The following MGAT4C variants were observed in gnomAD, a reference collection of about 807,000 sequenced individuals.
The protein encoded by MGAT4C is alpha-1,3-mannosyl-glycoprotein 4-beta-N-acetylglucosaminyltransferase C.
In MGAT4C, 19 loss-of-function variants were observed where a neutral mutation model predicts 40.1. The ratio of observed to expected loss-of-function variants is 0.47; its 90% CI spans 0.33 to 0.70. The LOEUF (loss-of-function observed/expected upper bound fraction) is 0.70, where lower values mean the gene tolerates loss of function less well. MGAT4C is among the 30% of genes least tolerant of loss of function. MGAT4C has a pLI of 0.02. For missense variants in MGAT4C, 491 were observed against 563.2 expected, an observed-to-expected ratio of 0.87 and a Z score of 1.30; for synonymous variants, 181 against 187.1, an observed-to-expected ratio of 0.97 and a Z score of 0.27.
chr12:86,097,370 C>T (rs1874124783), intron 1 of MGAT4C, among the ~76,000 whole-genome samples: 2 of 151,642 alleles, frequency 1.3e-5, no homozygotes, highest in Admixed American at 6.6e-5. Context: ...ACCACATTGA[C>T]TTTAGAATAA....
chr12:86,832,736 A>C (rs1952956409), intron 1 of MGAT4C, among the ~76,000 whole-genome samples: 1 of 151,838 alleles, frequency 6.6e-6, no homozygotes, highest in Non-Finnish European at 1.5e-5. Flanking sequence ...ATTCTGACCC[A>C]AACCTTAGCT....
chr12:86,457,537 T>C (rs1957529027), intron 2 of MGAT4C, among the ~76,000 whole-genome samples: 2 of 152,182 alleles, frequency 1.3e-5, no homozygotes, highest in Admixed American at 1.3e-4. Flanking sequence ...TGTTGTCTCT[T>C]TGCTTTCAGG....
chr12:86,807,435 T>C (rs1211223965), intron 1 of MGAT4C, among the ~76,000 whole-genome samples: 1 of 152,004 alleles, frequency 6.6e-6, no homozygotes, highest in African/African-American at 2.4e-5. Flanking sequence ...TCCATCTATG[T>C]TCCTGCAAGG....
chr12:86,322,235 AG>A (rs1388466943), intron 4 of MGAT4C, among the ~76,000 whole-genome samples: 1 of 73,020 alleles, frequency 1.4e-5, no homozygotes, highest in Non-Finnish European at 2.5e-5. Context: ...GGGTGGGGGG[AG>A]GGGGGAGGGA....
At position 85,956,520 on chromosome 12, in the gene MGAT4C, A is replaced by T. The variant is rs868442812; in HGVS notation, c.*22769T>A. ...ACTTACTAAAATATGGTTTTGGGAC[A>T]CCTGTTGGGAACATTTACAGATCAT... On this transcript the variant is annotated 3_prime_UTR_variant, in exon 5 of 5. Transcript: ENST00000611864. 1 of 152,196 alleles carries T rather than the reference A, an allele frequency of 6.6e-6. No individual in the cohort carries two copies. Among genetic ancestry groups the T allele is most frequent in the South Asian group, 2.1e-4 (1 of 4,836 alleles). 9.4% of individuals were successfully genotyped at this position (152,196 alleles called of 1,614,324 possible). A position where few individuals can be genotyped will look rare whatever the true frequency, so the allele number is the denominator to read the frequency against.
intron 2 of MGAT4C, among the ~76,000 whole-genome samples, chr12:86,607,904 T>C (rs1222390272): frequency 6.6e-6 from 1 of 152,114 alleles, no homozygotes; most frequent in African/African-American, 2.4e-5. Flanking sequence ...CATCATTATT[T>C]GATTGATTGA....
At chr12:86,741,202 A>G (rs979778412) in intron 1 of MGAT4C, among the ~76,000 whole-genome samples, 5 of 151,302 alleles carry the variant, frequency 3.3e-5, no homozygotes, top group African/African-American at 1.2e-4. Flanking sequence ...TCGTATGTTC[A>G]TCACAGTACT....
At chr12:86,405,646 GAGCTAAAACAATCTTGAAAAAGAATAAAC>G (rs1231577972) in intron 3 of MGAT4C, among the ~76,000 whole-genome samples, 1 of 151,616 alleles carries the variant, frequency 6.6e-6, no homozygotes, top group Non-Finnish European at 1.5e-5. Context: ...ATAACCAAAT[GAGCTAAAACAATCTTGAAAAAGAATAAAC>G]AAATAGGTAG....
intron 4 of MGAT4C, among the ~76,000 whole-genome samples, chr12:86,267,009 G>A (rs1363957350): frequency 2.0e-5 from 3 of 151,182 alleles, no homozygotes; most frequent in African/African-American, 7.3e-5. Flanking sequence ...ATTGTCTCCT[G>A]TCTCTTATTG....
chr12:86,831,458 C>T (rs559250794), intron 1 of MGAT4C, among the ~76,000 whole-genome samples: 1 of 151,732 alleles, frequency 6.6e-6, no homozygotes, highest in Non-Finnish European at 1.5e-5. Flanking sequence ...CAATCTCCTG[C>T]GAGTAAGGCT....
intron 2 of MGAT4C, among the ~76,000 whole-genome samples, chr12:86,598,076 T>G (rs1961610512): frequency 6.6e-6 from 1 of 152,212 alleles, no homozygotes; most frequent in Non-Finnish European, 1.5e-5. Flanking sequence ...AAAAGTAACT[T>G]TTCTTTTTAC....
chr12:86,133,422 T>C (rs1164154092), intron 1 of MGAT4C, among the ~76,000 whole-genome samples: 2 of 152,184 alleles, frequency 1.3e-5, no homozygotes, highest in Non-Finnish European at 2.9e-5. Flanking sequence ...TTAGAGTAAA[T>C]GAGTTTTTTG....
At chr12:86,689,886 T>A (rs769265860) in intron 2 of MGAT4C, among the ~76,000 whole-genome samples, 1 of 152,164 alleles carries the variant, frequency 6.6e-6, no homozygotes, top group Non-Finnish European at 1.5e-5. Context: ...CAGGCAGGAA[T>A]GTTTAAGTCT....
chr12:86,749,425 T>A (rs1951201562), intron 1 of MGAT4C, among the ~76,000 whole-genome samples: 1 of 151,680 alleles, frequency 6.6e-6, no homozygotes, highest in African/African-American at 2.4e-5. Context: ...ATTCAATTGT[T>A]TTATGAGGAA....
chr12:86,793,462 T>C (rs1322890954), intron 1 of MGAT4C, among the ~76,000 whole-genome samples: 1 of 152,096 alleles, frequency 6.6e-6, no homozygotes, highest in African/African-American at 2.4e-5. Context: ...ACTTTGTTTA[T>C]ATTTATTTTT....
intron 3 of MGAT4C, among the ~76,000 whole-genome samples, chr12:86,404,779 A>C (rs922820906): frequency 6.6e-6 from 1 of 152,198 alleles, no homozygotes; most frequent in African/African-American, 2.4e-5. Context: ...AATGAATATA[A>C]AAGATGATTG....
intron 1 of MGAT4C, 24 bp from the exon 2 acceptor site, chr12:86,049,747 T>TA (rs1892725386): frequency 1.1e-6 from 1 of 881,670 alleles, no homozygotes; most frequent in East Asian, 1.2e-4. Context: ...AGTCTAATAT[T>TA]ACTAATACAA....
chr12:86,331,486 C>T (rs1227465478), intron 4 of MGAT4C, among the ~76,000 whole-genome samples: 2 of 152,126 alleles, frequency 1.3e-5, no homozygotes, highest in Non-Finnish European at 2.9e-5. Flanking sequence ...TAAACTCTAC[C>T]ATTCTGCCTC....
At chr12:86,617,641 T>A (rs1593048175) in intron 2 of MGAT4C, among the ~76,000 whole-genome samples, 1 of 150,796 alleles carries the variant, frequency 6.6e-6, no homozygotes, top group South Asian at 2.1e-4. Flanking sequence ...TGCGCGGAGA[T>A]CCTGCCGCTG....
Sources: allele counts gnomAD v4.1 joint callset (sites outside exome capture counted in the v4.1 genomes callset), GRCh38; gene constraint gnomAD v4.1.1; transcripts MANE v1.5; gene names NCBI Gene and HGNC (gene_info 2026-07-23, HGNC 2026-07-21).